The following CDH18 variants were observed in gnomAD, a reference collection of about 807,000 sequenced individuals.
The protein encoded by CDH18 is cadherin 18, also known as cadherin-18.
In CDH18, 31 loss-of-function variants were observed where a neutral mutation model predicts 67.9. The ratio of observed to expected loss-of-function variants is 0.46; its 90% confidence interval spans 0.34 to 0.62. The LOEUF is 0.62. Among genes scored for constraint, CDH18 ranks in the 20% least tolerant of loss-of-function variants. The probability of loss-of-function intolerance (pLI) is 0.01; values close to 1 mark genes in which losing one functional copy is unlikely to be tolerated. For missense variants in CDH18, 890 were observed against 975.5 expected (o/e 0.91, Z 1.17); for synonymous variants, 362 against 347.2 (o/e 1.04, Z -0.48).
intron 1 of CDH18, among the ~76,000 whole-genome samples, chr5:20,372,514 TA>T (rs1216369496): frequency 5.9e-5 from 9 of 152,196 alleles, no homozygotes; most frequent in Admixed American, 3.3e-4. Context: ...AGAAAGAGAT[TA>T]AAAAAATAAA....
chr5:20,468,759 A>C (rs1751843879), intron 1 of CDH18, among the ~76,000 whole-genome samples: 1 of 152,246 alleles, frequency 6.6e-6, no homozygotes, highest in Non-Finnish European at 1.5e-5. Flanking sequence ...ACTTAAATTT[A>C]CTATGCCATT....
chr5:20,407,363 G>T (rs532489109), intron 1 of CDH18, among the ~76,000 whole-genome samples: 16 of 152,182 alleles, frequency 1.1e-4, no homozygotes, highest in African/African-American at 3.9e-4. Flanking sequence ...CAGTGGTTTA[G>T]GGTAGCACAA....
chr5:20,188,297 C>G (rs1738260273), intron 2 of CDH18, among the ~76,000 whole-genome samples: 2 of 151,940 alleles, frequency 1.3e-5, no homozygotes, highest in South Asian at 4.1e-4. Context: ...ACATCTAATT[C>G]AAATCCAATC....
chr5:20,068,412 C>T (rs1435698094), intron 2 of CDH18, among the ~76,000 whole-genome samples: 1 of 151,990 alleles, frequency 6.6e-6, no homozygotes, highest in Non-Finnish European at 1.5e-5. Flanking sequence ...ATGCTAAATA[C>T]AACTTTAGGA....
chr5:19,522,003 A>G (rs1270814751), intron 9 of CDH18, among the ~76,000 whole-genome samples: 1 of 152,158 alleles, frequency 6.6e-6, no homozygotes, highest in Admixed American at 6.5e-5. Flanking sequence ...AAACAAAATA[A>G]TAGTAAACAC....
intron 8 of CDH18, among the ~76,000 whole-genome samples, chr5:19,565,703 C>A (rs1403124135): frequency 6.6e-6 from 1 of 152,184 alleles, no homozygotes; most frequent in African/African-American, 2.4e-5. Context: ...CCATCTCTAG[C>A]TATATGCAAA....
chr5:19,603,167 TATTA>T (rs1330052211), intron 6 of CDH18, among the ~76,000 whole-genome samples: 3 of 152,114 alleles, frequency 2.0e-5, no homozygotes, highest in Non-Finnish European at 2.9e-5. Flanking sequence ...TTAAATAAAA[TATTA>T]ATTATCATTA....
intron 1 of CDH18, among the ~76,000 whole-genome samples, chr5:20,497,512 A>G (rs556852256): frequency 6.6e-6 from 1 of 152,260 alleles, no homozygotes; most frequent in East Asian, 1.9e-4. Context: ...AGGCTGTACT[A>G]TATACTGTAG....
chr5:19,515,059 A>C (rs748469474), intron 10 of CDH18, among the ~76,000 whole-genome samples: 6 of 152,166 alleles, frequency 3.9e-5, no homozygotes, highest in Non-Finnish European at 8.8e-5. Context: ...TCAGCTTTCT[A>C]CATATGGCTA....
chr5:19,598,395 C>A (rs1364359558), intron 6 of CDH18, among the ~76,000 whole-genome samples: 1 of 152,078 alleles, frequency 6.6e-6, no homozygotes, highest in African/African-American at 2.4e-5. Context: ...TTACGCTGGG[C>A]ATTTACAATC....
chr5:20,482,621 A>G (rs1243797192), intron 1 of CDH18, among the ~76,000 whole-genome samples: 1 of 152,106 alleles, frequency 6.6e-6, no homozygotes, highest in Non-Finnish European at 1.5e-5. Flanking sequence ...GGTTCAACAT[A>G]CACAAATTAA....
chr5:20,284,405 TA>T (rs1417364825), intron 1 of CDH18, among the ~76,000 whole-genome samples: 2 of 152,082 alleles, frequency 1.3e-5, no homozygotes, highest in African/African-American at 2.4e-5. Flanking sequence ...AAAAATGTTT[TA>T]AAAGTCATTA....
intron 3 of CDH18, among the ~76,000 whole-genome samples, chr5:19,776,176 A>G (rs1408737751): frequency 6.6e-6 from 1 of 152,206 alleles, no homozygotes. Context: ...TGGATTAAAC[A>G]GCAGATTTGA....
intron 2 of CDH18, among the ~76,000 whole-genome samples, chr5:20,094,493 T>C (rs1745711669): frequency 6.6e-6 from 1 of 152,198 alleles, no homozygotes; most frequent in African/African-American, 2.4e-5. Flanking sequence ...TTTCTAATTC[T>C]GTGAAGAAAG....
rs186314862 is a variant in CDH18, at chr5:19,505,550, T to G, written c.1513-2441A>C. Among the ~76,000 whole-genome samples, 213 of 151,426 alleles carry G rather than the reference T, an allele frequency of 1.4e-3. 3 individuals are homozygous for G. The highest frequency in any genetic ancestry group is 4.9e-3 in the African/African-American group (199 of 40,838). On this transcript the variant is annotated intron_variant, in intron 10 of 12. Coordinates refer to ENST00000382275, the MANE Select transcript of CDH18 (RefSeq NM_004934.5). The stretch of plus-strand genomic sequence containing the variant: ...GAAGCATTGTTGAATTTTGTAAAAG[T>G]CCTTTTCAGCATCTATTGATATAAT...
chr5:20,315,552 T>A (rs1406139424), intron 1 of CDH18, among the ~76,000 whole-genome samples: 1 of 152,120 alleles, frequency 6.6e-6, no homozygotes, highest in African/African-American at 2.4e-5. Context: ...ATGATCTGCC[T>A]TCTGCATCCT....
chr5:20,553,787 T>A (rs940357294), intron 1 of CDH18, among the ~76,000 whole-genome samples: 19 of 152,164 alleles, frequency 1.2e-4, no homozygotes, highest in Non-Finnish European at 2.2e-4. Context: ...TTGTACTAAT[T>A]TACAAATAAG....
At chr5:19,923,443 T>C (rs1792732259) in intron 2 of CDH18, among the ~76,000 whole-genome samples, 2 of 152,216 alleles carry the variant, frequency 1.3e-5, no homozygotes, top group African/African-American at 4.8e-5. Flanking sequence ...TACACATCAA[T>C]AGACATCTAG....
At chr5:19,916,234 T>C (rs1331512937) in intron 2 of CDH18, among the ~76,000 whole-genome samples, 1 of 152,192 alleles carries the variant, frequency 6.6e-6, no homozygotes, top group Non-Finnish European at 1.5e-5. Flanking sequence ...AGATCTGGCC[T>C]CTAGTTACTT....
Sources: allele counts gnomAD v4.1 joint callset (sites outside exome capture counted in the v4.1 genomes callset), GRCh38; gene constraint gnomAD v4.1.1; transcripts MANE v1.5; gene names NCBI Gene and HGNC (gene_info 2026-07-23, HGNC 2026-07-21).